The following ATP1A3 variants were observed in gnomAD, a reference collection of about 807,000 sequenced individuals.
ATP1A3 encodes sodium/potassium-transporting ATPase subunit alpha-3.
In ATP1A3, 12 loss-of-function variants were observed where a neutral mutation model predicts 108.8. That is an observed-to-expected ratio of 0.11 (90% CI 0.07 to 0.18). ATP1A3 has a LOEUF of 0.18. Ranked by LOEUF, ATP1A3 falls within the 10% of genes least tolerant of loss-of-function variation. The probability of loss-of-function intolerance (pLI) is 1.00; values close to 1 mark genes in which losing one functional copy is unlikely to be tolerated. For missense variants in ATP1A3, 498 were observed against 1,387.7 expected (o/e 0.36, Z 10.19); for synonymous variants, 539 against 564.5 (o/e 0.95, Z 0.64).
rs1211189041 is a variant in ATP1A3 at position 41,993,450 on chromosome 19, G to A, written c.6+621C>T. Reference sequence around the variant, plus strand: ...CTCCCATGCCTGCTCCCCTACATGAGGGGCTGCACACACACACACTGCAGC... The same window carrying A: ...CTCCCATGCCTGCTCCCCTACATGAAGGGCTGCACACACACACACTGCAGC... On this transcript the variant is annotated intron_variant, in intron 1 of 22. Transcript: ENST00000648268. The A allele has an allele frequency of 2.6e-6, 4 of 1,534,044 alleles. No homozygotes were observed. In the African/African-American group the frequency reaches 5.5e-5, roughly 21 times the overall value.
At chr19:41,979,545 G>A (rs1170820681) in intron 11 of ATP1A3, among the ~76,000 whole-genome samples, 1 of 151,838 alleles carries the variant, frequency 6.6e-6, no homozygotes, top group South Asian at 2.1e-4. Flanking sequence ...GAGTTCAAGC[G>A]ATCCTCCTGC....
At chr19:41,993,935 G>T in intron 1 of ATP1A3, 136 bp downstream of exon 1, 2 of 1,501,554 alleles carry the variant, frequency 1.3e-6, no homozygotes, top group South Asian at 2.4e-5. Context: ...GATTGGCTGG[G>T]TCAGCCGGCT....
rs782053640 is a variant in ATP1A3, at chr19:41,985,831, G to C, written c.606+33C>G. 3.1e-6 allele frequency: 5 copies of C among 1,612,150 alleles called. No homozygotes were observed. The East Asian group carries it at 1.1e-4, about 36-fold the overall frequency. ...GCCTGAGCTCCTGGGCAGCCCGAGG[G>C]AGGGTAAAGCCGGGCCCTAGGCCCA... On this transcript the variant is annotated intron_variant, in intron 6 of 22. Transcript: ENST00000648268. This position sits in a 1 kb window ranked among gnomAD's most constrained non-coding sequence, Gnocchi z 8.2.
At chr19:41,970,045 C>G (rs188852917) in intron 18 of ATP1A3, 140 bp downstream of exon 18, 5 of 1,399,236 alleles carry the variant, frequency 3.6e-6, no homozygotes, top group Non-Finnish European at 4.0e-6. Flanking sequence ...GCAGACCCCC[C>G]CCACAGATAG....
chr19:41,979,559 G>A (rs934514262), intron 11 of ATP1A3, among the ~76,000 whole-genome samples: 6 of 151,692 alleles, frequency 4.0e-5, no homozygotes, highest in Admixed American at 1.3e-4. Context: ...CTCCTGCCTC[G>A]GTCTCCCAAA....
rs1326342105 is a variant in ATP1A3, at chr19:41,975,508, C to T, written c.2263+121G>A. The stretch of plus-strand genomic sequence containing the variant: ...AGAAAAGGACAGGCTCAGGCTCCTC[C>T]AGGGCCAGGGGGCCTGTGGTCTCTG... On this transcript the variant is annotated intron_variant, in intron 16 of 22. Coordinates refer to ENST00000648268, the MANE Select transcript of ATP1A3 (RefSeq NM_152296.5). The T allele has an allele frequency of 3.9e-5, 56 of 1,437,542 alleles. No individual in the cohort carries two copies. In the East Asian group the frequency reaches 1.3e-3, roughly 35 times the overall value. The allele number at this position is 1,437,542 out of a possible 1,614,324, so 89.0% of individuals were successfully genotyped here. A position where few individuals can be genotyped will look rare whatever the true frequency, so the allele number is the denominator to read the frequency against.
chr19:41,970,079 T>G, intron 18 of ATP1A3, 106 bp downstream of exon 18: 1 of 1,591,448 alleles, frequency 6.3e-7, no homozygotes, highest in Non-Finnish European at 8.6e-7. Flanking sequence ...CCTGCCCACG[T>G]CTGCTCCCCT....
In ATP1A3 at chr19:41,967,782, A is replaced by C; in HGVS notation, c.2820-19T>G. 1 of 1,612,086 alleles carries C rather than the reference A, an allele frequency of 6.2e-7. No homozygotes were observed. The highest frequency in any genetic ancestry group is 1.1e-5 in the South Asian group (1 of 90,830). On this transcript the variant is annotated intron_variant, in intron 20 of 22. Coordinates refer to ENST00000648268, the MANE Select transcript of ATP1A3 (RefSeq NM_152296.5). The surrounding 1 kb of genome is among the most constrained non-coding windows in gnomAD (Gnocchi z 4.2). ...CTTGTTCCTGGAGGCACAGAAGGGC[A>C]GGGCTGGGCCCAGAGAGCACCCACC...
intron 16 of ATP1A3, among the ~76,000 whole-genome samples, chr19:41,970,909 G>A (rs537719184): frequency 5.9e-4 from 89 of 151,914 alleles, no homozygotes; most frequent in African/African-American, 2.1e-3. Flanking sequence ...TGGGATTACA[G>A]GCGTGAGCCA....
At chr19:41,983,285 C>A (rs2075253250) in intron 8 of ATP1A3, among the ~76,000 whole-genome samples, 2 of 151,724 alleles carry the variant, frequency 1.3e-5, no homozygotes, top group South Asian at 4.2e-4. Flanking sequence ...GCCATGTTGG[C>A]CAGGCTGGTC....
chr19:41,970,126 C>G (rs1047976774), intron 18 of ATP1A3, 59 bp downstream of exon 18: 23 of 1,613,786 alleles, frequency 1.4e-5, no homozygotes, highest in Non-Finnish European at 1.9e-5. Context: ...CACGGTGGGC[C>G]AGGCACTGCT....
chr19:41,988,224 C>G lies in ATP1A3; in HGVS notation c.154-85G>C, dbSNP rs1001834746. 144 of 1,612,028 alleles carry G rather than the reference C, an allele frequency of 8.9e-5. No individual in the cohort carries two copies. Among genetic ancestry groups the G allele is most frequent in the Non-Finnish European group, 1.2e-4 (137 of 1,178,296 alleles). Reference sequence around the variant, plus strand: ...CACCAGACCCCCAGAACTTAAGACACCAGCCACAGCCCCTCCTCCCTCAGA... The same window carrying G: ...CACCAGACCCCCAGAACTTAAGACAGCAGCCACAGCCCCTCCTCCCTCAGA... On this transcript the variant is annotated intron_variant, in intron 3 of 22. Coordinates refer to ENST00000648268, the MANE Select transcript of ATP1A3 (RefSeq NM_152296.5). The surrounding 1 kb of genome is among the most constrained non-coding windows in gnomAD (Gnocchi z 5.3).
rs1555868195 is a variant in ATP1A3 at position 41,993,998 on chromosome 19, C to T, written c.6+73G>A. On this transcript the variant is annotated intron_variant, in intron 1 of 22. Transcript: ENST00000648268. The stretch of plus-strand genomic sequence containing the variant: ...AGCGCAGGGGTCCCGGTGCCCCCGC[C>T]CCCCGCGCACACCCAATGTCACCGG... 5 of 1,595,224 alleles carry T rather than the reference C, an allele frequency of 3.1e-6. No individual in the cohort carries two copies. The African/African-American group carries it at 5.4e-5, about 17-fold the overall frequency.
rs782559636 is a variant in ATP1A3, at chr19:41,981,574, G to C, written c.1365C>G (p.Gly455=). The C allele has an allele frequency of 6.2e-7, 1 of 1,614,208 alleles. No individual in the cohort carries two copies. The highest frequency in any genetic ancestry group is 8.5e-7 in the Non-Finnish European group (1 of 1,180,050). ...TGCGTTCACGCATCAGCTTCACGGA[G>C]CCAGAGGACAGCTCGATGCACTTGA... is the stretch of plus-strand genomic sequence containing the variant. ...ALLKCIELSS[G]SVKLMRERNK... The change falls in exon 11 of 23, where the codon GGC becomes GGG. Residue 455 remains glycine (G), a synonymous_variant. Transcript: ENST00000648268. This position sits in a 1 kb window ranked among gnomAD's most constrained non-coding sequence, Gnocchi z 5.0.
chr19:41,990,966 C>T lies in ATP1A3; in HGVS notation c.7-2404G>A, dbSNP rs192179211. On this transcript the variant is annotated intron_variant, in intron 1 of 22. Transcript: ENST00000648268. ...TCTTCCATGTGTTGGGCCCATGGAG[C>T]GTCCTTAACAGAGGCTGGGCATGGC... is the stretch of plus-strand genomic sequence containing the variant. The T allele has an allele frequency of 3.8e-3, 581 of 152,450 alleles. 3 individuals are homozygous for T. The highest frequency in any genetic ancestry group is 0.01 in the Middle Eastern group (3 of 296). 9.4% of individuals were successfully genotyped at this position (152,450 alleles called of 1,614,324 possible).
chr19:41,970,339 G>T (rs1555859550), intron 17 of ATP1A3, 31 bp from the exon 18 acceptor site: 1 of 1,614,040 alleles, frequency 6.2e-7, no homozygotes, highest in South Asian at 1.1e-5. Flanking sequence ...GAGCCGGAGA[G>T]GGGAGGACTC....
At position 41,967,096 on chromosome 19, in the gene ATP1A3, G is replaced by A; in HGVS notation, c.3014-131C>T. On this transcript the variant is annotated intron_variant, in intron 22 of 22. Transcript: ENST00000648268. The surrounding 1 kb of genome is among the most constrained non-coding windows in gnomAD (Gnocchi z 4.2). ...AAACCACACAGACAGAGACCCGTGA[G>A]AAGACAGAGTGGGTGCCCGGAGAGA... 6.4e-7 allele frequency: 1 copy of A among 1,552,524 alleles called. No individual in the cohort carries two copies. Among genetic ancestry groups the A allele is most frequent in the African/African-American group, 1.4e-5 (1 of 73,188 alleles).
chr19:41,966,716 G>T lies in ATP1A3; in HGVS notation c.*221C>A. 1 of 1,537,080 alleles carries T rather than the reference G, an allele frequency of 6.5e-7. No individual in the cohort carries two copies. The highest frequency in any genetic ancestry group is 1.2e-5 in the South Asian group (1 of 82,900). On this transcript the variant is annotated 3_prime_UTR_variant, in exon 23 of 23. Transcript: ENST00000648268. ...GAATGGATAGAGGGGTGAGGAGAGG[G>T]AGAGAAACTGACACAGAAAAGAGAG...
chr19:41,982,766 A>G (rs1219045988), intron 8 of ATP1A3, among the ~76,000 whole-genome samples: 1 of 152,264 alleles, frequency 6.6e-6, no homozygotes, highest in Non-Finnish European at 1.5e-5. Context: ...GGTGAACGTC[A>G]AAAACATGTT....
Sources: allele counts gnomAD v4.1 joint callset (sites outside exome capture counted in the v4.1 genomes callset), GRCh38; gene constraint gnomAD v4.1.1; non-coding constraint Gnocchi (gnomAD v3.1); transcripts MANE v1.5; gene names NCBI Gene and HGNC (gene_info 2026-07-23, HGNC 2026-07-21).